SEMA6D: variants seen among roughly 807,000 people sequenced by gnomAD.
SEMA6D encodes semaphorin-6D.
SEMA6D carries 35 observed loss-of-function variants against 106.6 expected under a neutral mutation model. The ratio of observed to expected loss-of-function variants is 0.33; its 90% CI spans 0.25 to 0.44. SEMA6D has a LOEUF of 0.44. Among genes scored for constraint, SEMA6D ranks in the 20% least tolerant of loss-of-function variants. The pLI is 1.00. For synonymous variants in SEMA6D, 499 were observed against 487.7 expected (o/e 1.02, Z -0.31); for missense variants, 1,185 against 1,345.9 (o/e 0.88, Z 1.87).
chr15:47,226,923 A>G (rs751544573), intron 1 of SEMA6D, among the ~76,000 whole-genome samples: 2 of 151,966 alleles, frequency 1.3e-5, no homozygotes, highest in Non-Finnish European at 2.9e-5. Flanking sequence ...ATTGTCTTTC[A>G]TGGCTCGATC....
chr15:47,319,005 A>G (rs1376817485), intron 1 of SEMA6D, among the ~76,000 whole-genome samples: 1 of 152,018 alleles, frequency 6.6e-6, no homozygotes, highest in Non-Finnish European at 1.5e-5. Context: ...CAGTTCTTTG[A>G]TACAGTTTTC....
intron 1 of SEMA6D, among the ~76,000 whole-genome samples, chr15:47,213,708 C>A (rs916529875): frequency 6.6e-6 from 1 of 152,058 alleles, no homozygotes; most frequent in Non-Finnish European, 1.5e-5. Flanking sequence ...GTGTGCCTGA[C>A]ATTGTTTGGT....
At chr15:47,223,341 G>A (rs1046194179) in intron 1 of SEMA6D, among the ~76,000 whole-genome samples, 1 of 151,846 alleles carries the variant, frequency 6.6e-6, no homozygotes. Context: ...ACTTTTCATC[G>A]GTTTTCTCTG....
chr15:47,355,600 T>C (rs1027239616), intron 1 of SEMA6D, among the ~76,000 whole-genome samples: 4 of 152,194 alleles, frequency 2.6e-5, no homozygotes, highest in Admixed American at 2.0e-4. Flanking sequence ...CTCTAACTCC[T>C]TTTTCTGTGT....
Position 47,765,932 on chromosome 15 carries a change from C to A in SEMA6D, c.1491C>A (p.His497Gln), listed in dbSNP as rs544316665. ...VISLQLDKDH[H>Q]ALYVAFSSCI... is the part of the protein sequence containing the mutation. ...CATTACAGTTGGATAAAGATCACCA[C>A]GCTTTATATGTGGCGTTCTCTAGCT... Residue 497 changes from histidine (H) to glutamine (Q), a missense_variant, in exon 14 of 19, where the codon CAC becomes CAA. Physicochemically the swap from His to Gln is conservative, Grantham distance 24 (BLOSUM62 0). Transcript: ENST00000536845. The A allele has an allele frequency of 3.2e-6, 5 of 1,577,008 alleles. No individual in the cohort carries two copies. The highest frequency in any genetic ancestry group is 1.2e-5 in the South Asian group (1 of 83,836).
intron 3 of SEMA6D, among the ~76,000 whole-genome samples, chr15:47,484,272 C>A (rs2043232061): frequency 6.6e-6 from 1 of 152,128 alleles, no homozygotes; most frequent in Admixed American, 6.6e-5. Flanking sequence ...CATTCTCCAT[C>A]GTGCAGTACT....
chr15:47,395,462 C>A (rs966820066), intron 1 of SEMA6D: 1 of 152,166 alleles, frequency 6.6e-6, no homozygotes, highest in Non-Finnish European at 1.5e-5. Flanking sequence ...CTTTTTCAAT[C>A]ATTTCATGGA....
intron 1 of SEMA6D, among the ~76,000 whole-genome samples, chr15:47,394,776 T>G (rs2040153941): frequency 6.6e-6 from 1 of 152,196 alleles, no homozygotes; most frequent in Non-Finnish European, 1.5e-5. Context: ...TGATTTAAAT[T>G]AGCTTACCTT....
intron 3 of SEMA6D, among the ~76,000 whole-genome samples, chr15:47,479,183 T>C (rs1319314379): frequency 2.6e-5 from 4 of 152,128 alleles, no homozygotes; most frequent in Admixed American, 1.3e-4. Flanking sequence ...ACTTCATACA[T>C]ATATAATTTT....
chr15:47,593,160 T>G (rs908894674), intron 3 of SEMA6D, among the ~76,000 whole-genome samples: 1 of 152,052 alleles, frequency 6.6e-6, no homozygotes, highest in Non-Finnish European at 1.5e-5. Context: ...ATCCCAGCAC[T>G]TTGGGAAGCC....
At chr15:47,522,111 T>A (rs1662820799) in intron 3 of SEMA6D, among the ~76,000 whole-genome samples, 1 of 152,158 alleles carries the variant, frequency 6.6e-6, no homozygotes, top group African/African-American at 2.4e-5. Flanking sequence ...ATAGCCCAGC[T>A]CTGTGGGCAT....
At chr15:47,697,426 G>A (rs1248027281) in intron 4 of SEMA6D, among the ~76,000 whole-genome samples, 1 of 152,062 alleles carries the variant, frequency 6.6e-6, no homozygotes, top group African/African-American at 2.4e-5. Context: ...CACAATAATG[G>A]TTTGTTGCCC....
intron 4 of SEMA6D, among the ~76,000 whole-genome samples, chr15:47,710,222 C>T (rs1031964310): frequency 6.6e-6 from 1 of 152,194 alleles, no homozygotes; most frequent in African/African-American, 2.4e-5. Context: ...CTCCTGAATG[C>T]TCACCTATCT....
At chr15:47,660,587 T>C (rs147219150) in intron 4 of SEMA6D, among the ~76,000 whole-genome samples, 1,560 of 152,320 alleles carry the variant, frequency 0.01, 17 homozygotes, top group South Asian at 0.045. Context: ...GAATTTGCTC[T>C]AGGAAGTGAC....
intron 3 of SEMA6D, among the ~76,000 whole-genome samples, chr15:47,558,423 A>G (rs2045976250): frequency 6.6e-6 from 1 of 152,064 alleles, no homozygotes; most frequent in Admixed American, 6.6e-5. Context: ...GAAAGTGCCA[A>G]ATAACCACAG....
At chr15:47,666,871 C>A (rs2050844497) in intron 4 of SEMA6D, among the ~76,000 whole-genome samples, 1 of 152,146 alleles carries the variant, frequency 6.6e-6, no homozygotes, top group Non-Finnish European at 1.5e-5. Flanking sequence ...TCTTACACGA[C>A]CCTAAATAAG....
intron 1 of SEMA6D, among the ~76,000 whole-genome samples, chr15:47,236,012 A>G (rs956688): frequency 0.16 from 24,468 of 151,994 alleles, 3,294 homozygotes; most frequent in East Asian, 0.67. Flanking sequence ...GTAGCAAGGG[A>G]TAGGACTAGG....
chr15:47,632,534 C>T (rs1035225605), intron 4 of SEMA6D, among the ~76,000 whole-genome samples: 1 of 151,900 alleles, frequency 6.6e-6, no homozygotes, highest in South Asian at 2.1e-4. Flanking sequence ...CTCTTTGTCT[C>T]TAGTAACATT....
intron 3 of SEMA6D, among the ~76,000 whole-genome samples, chr15:47,470,963 C>T (rs925968111): frequency 3.9e-5 from 6 of 152,108 alleles, no homozygotes; most frequent in Admixed American, 3.3e-4. Context: ...TTTTCATAAC[C>T]AAATGTGTAC....
Sources: gnomAD v4.1 joint callset for allele counts (sites outside exome capture counted in the v4.1 genomes callset) on GRCh38, gnomAD v4.1.1 for gene constraint, MANE v1.5 for transcripts, NCBI Gene and HGNC (gene_info 2026-07-23, HGNC 2026-07-21) for gene names.